Variants in OPA1 observed in about 807,000 individuals in gnomAD.
OPA1 encodes dynamin-like GTPase OPA1, mitochondrial.
Under a neutral mutation model 152.9 loss-of-function variants are expected in OPA1, and 59 were observed. The observed-to-expected ratio is 0.39, with a 90% CI of 0.31 to 0.48. OPA1 has a LOEUF of 0.48. OPA1 is among the 20% of genes least tolerant of loss of function. The pLI, the probability that OPA1 is intolerant of heterozygous loss-of-function variation, is 0.96. For synonymous variants in OPA1, 400 were observed against 389.9 expected, an observed-to-expected ratio of 1.03 and a Z score of -0.31; for missense variants, 1,008 against 1,216.8, an observed-to-expected ratio of 0.83 and a Z score of 2.55.
At chr3:193,646,927 A>G (rs1205625363) in intron 18 of OPA1, 138 bp from the exon 19 acceptor site, 1 of 611,330 alleles carries the variant, frequency 1.6e-6, no homozygotes, top group African/African-American at 1.8e-5. Context: ...TTTCCTCCTC[A>G]CATAAATTTT....
rs112174663 is a variant in OPA1 at position 193,672,607 on chromosome 3, G to C, written c.2983+5327G>C. ...GTCTTGGCCGGATGCGGTGCCTCAC[G>C]CCTGTAATCCCAGCACTATGGGAGG... On this transcript the variant is annotated intron_variant, in intron 29 of 30. Transcript: ENST00000361510. Among the ~76,000 whole-genome samples, 88 of 152,170 alleles carry C rather than the reference G, an allele frequency of 5.8e-4. 4 individuals carry two copies. The highest frequency in any genetic ancestry group is 2.6e-4 in the Admixed American group (4 of 15,290).
At chr3:193,668,383 A>G (rs1717136007) in intron 29 of OPA1, 1 of 1,551,186 alleles carries the variant, frequency 6.4e-7, no homozygotes, top group Non-Finnish European at 8.7e-7. Flanking sequence ...CGCACCCAGC[A>G]TTGACACTTC....
intron 5 of OPA1, 172 bp from the exon 6 acceptor site, chr3:193,618,697 G>A: frequency 1.7e-6 from 1 of 591,928 alleles, no homozygotes; most frequent in Non-Finnish European, 3.0e-6. Context: ...TTTATTTTCT[G>A]CACAGGTTAT....
chr3:193,604,860 CAAAAAAAAAAAAAAAGAA>C (rs1726996788), intron 1 of OPA1, among the ~76,000 whole-genome samples: 2 of 104,594 alleles, frequency 1.9e-5, no homozygotes, highest in Admixed American at 2.1e-4. Context: ...AACTCCATCT[CAAAAAAAAAAAAAAAGAA>C]AAAAGAAAAG....
At chr3:193,625,994 A>C in intron 6 of OPA1, 98 bp from the exon 7 acceptor site, 1 of 898,022 alleles carries the variant, frequency 1.1e-6, no homozygotes, top group Non-Finnish European at 1.9e-6. Flanking sequence ...TAAGTTAACC[A>C]TCCCTCCCTA....
intron 6 of OPA1, among the ~76,000 whole-genome samples, chr3:193,620,173 A>T (rs1577174207): frequency 4.6e-5 from 7 of 152,310 alleles, no homozygotes; most frequent in East Asian, 3.9e-4. Flanking sequence ...AGAAGAGCTA[A>T]TCTAATGGGG....
intron 1 of OPA1, among the ~76,000 whole-genome samples, chr3:193,605,743 T>C (rs1471112127): frequency 6.6e-6 from 1 of 152,224 alleles, no homozygotes; most frequent in African/African-American, 2.4e-5. Flanking sequence ...CCTACCAAGT[T>C]TACTGGAACA....
chr3:193,635,558 T>G (rs777933426), intron 9 of OPA1, 36 bp downstream of exon 9: 3 of 1,270,632 alleles, frequency 2.4e-6, no homozygotes, highest in Non-Finnish European at 3.5e-6. Context: ...CTCAAAATTT[T>G]ACCGCTTAAC....
At chr3:193,620,786 T>C (rs1729914125) in intron 6 of OPA1, among the ~76,000 whole-genome samples, 1 of 152,226 alleles carries the variant, frequency 6.6e-6, no homozygotes, top group Non-Finnish European at 1.5e-5. Context: ...ATTAATAATA[T>C]GCAGCATTGT....
chr3:193,697,744 C>T lies in OPA1; in HGVS notation c.*3144C>T, dbSNP rs772991686. 1 of 152,172 alleles carries T rather than the reference C, an allele frequency of 6.6e-6. No homozygotes were observed. The highest frequency in any genetic ancestry group is 1.5e-5 in the Non-Finnish European group (1 of 68,008). The allele number at this position is 152,172 out of a possible 1,614,324, so 9.4% of individuals were successfully genotyped here. ...GGTCAACCGGTGCTTTTTTTCACAT[C>T]GTGGTACTTGTCAAAACATTTTGTT... On this transcript the variant is annotated 3_prime_UTR_variant, in exon 31 of 31. Transcript: ENST00000361510.
intron 2 of OPA1, 102 bp downstream of exon 2, chr3:193,615,143 C>A: frequency 1.1e-6 from 1 of 940,256 alleles, no homozygotes; most frequent in Non-Finnish European, 1.7e-6. Flanking sequence ...GATGTTTAAA[C>A]ATTTATTTTG....
intron 29 of OPA1, among the ~76,000 whole-genome samples, chr3:193,681,345 AGTTT>A (rs766877436): frequency 2.6e-5 from 4 of 152,210 alleles, no homozygotes; most frequent in Non-Finnish European, 5.9e-5. Context: ...CTAGCTTGTT[AGTTT>A]GTTTATTAAT....
At chr3:193,658,506 T>A (rs1287312976) in intron 23 of OPA1, among the ~76,000 whole-genome samples, 1 of 152,190 alleles carries the variant, frequency 6.6e-6, no homozygotes, top group African/African-American at 2.4e-5. Context: ...GGCTAACATG[T>A]AGGTCACATG....
intron 16 of OPA1, 59 bp from the exon 17 acceptor site, chr3:193,645,494 C>T (rs1369091884): frequency 1.4e-5 from 18 of 1,300,422 alleles, no homozygotes; most frequent in Middle Eastern, 2.2e-4. Flanking sequence ...TTGTATATTA[C>T]GCTTTTAAAA....
chr3:193,641,822 T>C (rs1733823535), intron 11 of OPA1, among the ~76,000 whole-genome samples: 1 of 152,212 alleles, frequency 6.6e-6, no homozygotes, highest in Admixed American at 6.5e-5. Flanking sequence ...TACATTGCTA[T>C]AACATTTCTT....
chr3:193,601,891 G>A (rs1286449383), intron 1 of OPA1, among the ~76,000 whole-genome samples: 2 of 152,104 alleles, frequency 1.3e-5, no homozygotes, highest in African/African-American at 4.8e-5. Flanking sequence ...AAACGTGGAG[G>A]GGCACTGGCA....
intron 1 of OPA1, among the ~76,000 whole-genome samples, chr3:193,608,920 G>A (rs1210530520): frequency 1.3e-5 from 2 of 152,124 alleles, no homozygotes; most frequent in East Asian, 3.9e-4. Flanking sequence ...AGGATAGTTA[G>A]CTCTTCTTGT....
chr3:193,674,408 A>G (rs78898827), intron 29 of OPA1, among the ~76,000 whole-genome samples: 9,537 of 152,300 alleles, frequency 0.063, 373 homozygotes, highest in Non-Finnish European at 0.087. Flanking sequence ...AGTGAGAGAA[A>G]ACAAATGCAT....
In OPA1 at chr3:193,643,608, C is replaced by T. The variant is rs1446849877; in HGVS notation, c.1458C>T (p.Ala486=). Residue 486 remains alanine, a synonymous_variant, in exon 15 of 31, where the codon GCC becomes GCT. Coordinates refer to ENST00000361510, the MANE Select transcript of OPA1 (RefSeq NM_130837.3). ...AAGCTTACATGCAGAATCCTAATGC[C>T]ATCATACTGTGTATTCAAGGTAAAT... ...ISKAYMQNPN[A]IILCIQDGSV... is the part of the protein sequence containing the mutation. The T allele has an allele frequency of 1.9e-6, 3 of 1,612,736 alleles. No homozygotes were observed. The highest frequency in any genetic ancestry group is 2.5e-6 in the Non-Finnish European group (3 of 1,179,164).
Sources: gnomAD v4.1 joint callset for allele counts (sites outside exome capture counted in the v4.1 genomes callset) on GRCh38, gnomAD v4.1.1 for gene constraint, MANE v1.5 for transcripts, NCBI Gene and HGNC (gene_info 2026-07-23, HGNC 2026-07-21) for gene names.